Variants in HDAC4 observed in about 807,000 individuals in gnomAD.
The protein encoded by HDAC4 is histone deacetylase A.
HDAC4 carries 16 observed loss-of-function variants against 135.1 expected under a neutral mutation model. The ratio of observed to expected loss-of-function variants is 0.12; its 90% CI spans 0.08 to 0.18. The LOEUF (loss-of-function observed/expected upper bound fraction) is 0.18. Ranked by LOEUF, HDAC4 falls within the 10% of genes least tolerant of loss-of-function variation. HDAC4 has a pLI of 1.00. For missense variants in HDAC4, 1,143 were observed against 1,511.8 expected, an observed-to-expected ratio of 0.76 and a Z score of 4.05; for synonymous variants, 685 against 653.4, an observed-to-expected ratio of 1.05 and a Z score of -0.74.
intron 22 of HDAC4, among the ~76,000 whole-genome samples, chr2:239,070,161 G>A (rs539089928): frequency 1.3e-5 from 2 of 151,874 alleles, no homozygotes; most frequent in South Asian, 4.2e-4. Flanking sequence ...GAGTGTGGCC[G>A]AGAGGGCGGA....
At chr2:239,295,124 G>A (rs1422481425) in intron 2 of HDAC4, among the ~76,000 whole-genome samples, 1 of 151,576 alleles carries the variant, frequency 6.6e-6, no homozygotes, top group Non-Finnish European at 1.5e-5. Flanking sequence ...CGGCTATAAC[G>A]GTGAAACCCC....
At chr2:239,263,212 C>A (rs2049482830) in intron 2 of HDAC4, among the ~76,000 whole-genome samples, 2 of 151,756 alleles carry the variant, frequency 1.3e-5, no homozygotes, top group African/African-American at 4.8e-5. Flanking sequence ...GCTCCAAGGG[C>A]ACGGGGCCAC....
intron 8 of HDAC4, chr2:239,140,919 A>T (rs1363702284): frequency 6.5e-6 from 3 of 459,472 alleles, no homozygotes; most frequent in Admixed American, 2.4e-5. Flanking sequence ...CTGCAAATAT[A>T]GCCCCGAGCC....
intron 12 of HDAC4, among the ~76,000 whole-genome samples, chr2:239,120,402 G>GACACAC (rs912163549): frequency 5.9e-5 from 4 of 68,270 alleles, no homozygotes; most frequent in African/African-American, 2.7e-4. Context: ...GACGCACACA[G>GACACAC]ACACACACAC....
At chr2:239,175,956 T>TG (rs2043734678) in intron 5 of HDAC4, among the ~76,000 whole-genome samples, 1 of 152,144 alleles carries the variant, frequency 6.6e-6, no homozygotes, top group African/African-American at 2.4e-5. Flanking sequence ...TAACCATGGG[T>TG]GGGCTGACAC....
At chr2:239,055,086 T>A in intron 24 of HDAC4, 1 of 424,078 alleles carries the variant, frequency 2.4e-6, no homozygotes, top group East Asian at 4.8e-5. Flanking sequence ...AGAAAGACAG[T>A]CCCCAGGAGT....
At chr2:239,263,875 G>A (rs573448729) in intron 2 of HDAC4, among the ~76,000 whole-genome samples, 32 of 152,122 alleles carry the variant, frequency 2.1e-4, no homozygotes, top group Non-Finnish European at 3.4e-4. Context: ...GCCCAGTGAC[G>A]CCACTCTGCC....
At position 239,048,292 on chromosome 2, in the gene HDAC4, G is replaced by A. The variant is rs1294893306; in HGVS notation, c.*4805C>T. 4.6e-5 allele frequency: 7 copies of A among 152,240 alleles called. No individual in the cohort carries two copies. Among genetic ancestry groups the A allele is most frequent in the Non-Finnish European group, 1.0e-4 (7 of 68,052 alleles). 9.4% of individuals were successfully genotyped at this position (152,240 alleles called of 1,614,324 possible). ...CCGTCAGAAGAGGATATCATTGGTC[G>A]GTGAAAATCCACCCACACAAAACAA... On this transcript the variant is annotated 3_prime_UTR_variant, in exon 27 of 27. Coordinates refer to ENST00000543185, the MANE Select transcript of HDAC4 (RefSeq NM_001378414.1).
At position 239,111,625 on chromosome 2, in the gene HDAC4, C is replaced by T. The variant is rs751036443; in HGVS notation, c.1879G>A (p.Gly627Ser). ...GCCCGGGACAGAGGCCTGTGGCCGCCGAAGGACACGGGGATGCCGGCGGCC... is the reference window on the plus strand; with the variant it reads ...GCCCGGGACAGAGGCCTGTGGCCGCTGAAGGACACGGGGATGCCGGCGGCC... Reference protein sequence around the residue: ...MEAAGIPVSFGGHRPLSRAQS... With the variant: ...MEAAGIPVSFSGHRPLSRAQS... Residue 627 changes from glycine (G) to serine (S), a missense_variant, in exon 14 of 27, where the codon GGC (glycine) becomes AGC (serine). By Grantham distance (56) the Gly-to-Ser change is moderately conservative. Transcript: ENST00000543185. 20 of 1,609,774 alleles carry T rather than the reference C, an allele frequency of 1.2e-5. No homozygotes were observed. The highest frequency in any genetic ancestry group is 4.5e-5 in the East Asian group (2 of 44,770).
chr2:239,260,528 G>C (rs1232592397), intron 2 of HDAC4, among the ~76,000 whole-genome samples: 2 of 152,142 alleles, frequency 1.3e-5, no homozygotes, highest in Admixed American at 6.5e-5. Context: ...CCGGCCTGCT[G>C]GCCTCATCTC....
At chr2:239,186,963 T>C (rs1267715660) in intron 4 of HDAC4, 4 of 152,520 alleles carry the variant, frequency 2.6e-5, no homozygotes, top group African/African-American at 9.6e-5. Context: ...GAATGAGACA[T>C]CAGCAATCCC....
intron 2 of HDAC4, among the ~76,000 whole-genome samples, chr2:239,346,794 C>A (rs994413226): frequency 1.2e-5 from 1 of 84,340 alleles, no homozygotes; most frequent in African/African-American, 3.3e-5. Context: ...CACCGTCTCA[C>A]ACACACACAC....
chr2:239,194,581 G>A (rs1307114891), intron 3 of HDAC4, among the ~76,000 whole-genome samples: 1 of 152,224 alleles, frequency 6.6e-6, no homozygotes, highest in Admixed American at 6.5e-5. Flanking sequence ...CCAGCGAGCA[G>A]CCTGGCCCAG....
In HDAC4 at chr2:239,220,549, G is replaced by A. The variant is rs537638905; in HGVS notation, c.94+16044C>T. Among the ~76,000 whole-genome samples, 6 of 152,274 alleles carry A rather than the reference G, an allele frequency of 3.9e-5. No homozygotes were observed. The South Asian group carries it at 8.3e-4, about 21-fold the overall frequency. ...CTTGGTAGGGGAAGACAGTGACCTCGGAGAAGATGGTGCCAGAAGACTCTT... is the reference window on the plus strand; with the variant it reads ...CTTGGTAGGGGAAGACAGTGACCTCAGAGAAGATGGTGCCAGAAGACTCTT... On this transcript the variant is annotated intron_variant, in intron 3 of 26. Transcript: ENST00000543185.
intron 2 of HDAC4, among the ~76,000 whole-genome samples, chr2:239,304,983 A>G (rs1049448723): frequency 1.3e-5 from 2 of 152,168 alleles, no homozygotes; most frequent in African/African-American, 2.4e-5. Context: ...TCCCCACGTC[A>G]ATAGGACAGT....
At chr2:239,063,504 A>G (rs1294051098) in intron 24 of HDAC4, among the ~76,000 whole-genome samples, 1 of 152,132 alleles carries the variant, frequency 6.6e-6, no homozygotes, top group African/African-American at 2.4e-5. Flanking sequence ...GCGCCCGGCC[A>G]GCCCTGGTCT....
intron 1 of HDAC4, among the ~76,000 whole-genome samples, chr2:239,364,649 C>A (rs1046995001): frequency 1.3e-5 from 2 of 152,222 alleles, no homozygotes; most frequent in Non-Finnish European, 1.5e-5. Context: ...TCCCTCCTGG[C>A]TTGTGTACTT....
intron 12 of HDAC4, among the ~76,000 whole-genome samples, chr2:239,116,139 G>A (rs760500228): frequency 1.3e-5 from 2 of 152,086 alleles, no homozygotes; most frequent in Non-Finnish European, 2.9e-5. Flanking sequence ...CTGCTCCTCC[G>A]TCTTGGTTTG....
intron 2 of HDAC4, among the ~76,000 whole-genome samples, chr2:239,290,021 A>C (rs2051369094): frequency 6.6e-6 from 1 of 152,212 alleles, no homozygotes; most frequent in Non-Finnish European, 1.5e-5. Context: ...AACTACAGAA[A>C]AGATCTTATT....
Sources: allele counts gnomAD v4.1 joint callset (sites outside exome capture counted in the v4.1 genomes callset), GRCh38; gene constraint gnomAD v4.1.1; transcripts MANE v1.5; gene names NCBI Gene and HGNC (gene_info 2026-07-23, HGNC 2026-07-21).